Variants in GABRB1 observed in about 807,000 individuals in gnomAD.
GABRB1 encodes gamma-aminobutyric acid receptor subunit beta-1.
GABRB1 carries 17 observed loss-of-function variants against 51.6 expected under a neutral mutation model. That is an observed-to-expected ratio of 0.33 (90% confidence interval 0.23 to 0.49). The LOEUF is 0.49. Among genes scored for constraint, GABRB1 ranks in the 20% least tolerant of loss-of-function variants. The probability of loss-of-function intolerance (pLI) is 0.99; values close to 1 mark genes in which losing one functional copy is unlikely to be tolerated. For synonymous variants in GABRB1, 247 were observed against 218.9 expected (o/e 1.13, Z -1.14); for missense variants, 410 against 600.6 (o/e 0.68, Z 3.32).
At chr4:47,284,808 C>T (rs1333593037) in intron 4 of GABRB1, among the ~76,000 whole-genome samples, 1 of 152,160 alleles carries the variant, frequency 6.6e-6, no homozygotes, top group Non-Finnish European at 1.5e-5. Flanking sequence ...CAAAGGTATT[C>T]TCAAACCAGA....
intron 4 of GABRB1, among the ~76,000 whole-genome samples, chr4:47,215,357 A>G (rs1260771490): frequency 6.6e-6 from 1 of 152,114 alleles, no homozygotes; most frequent in Non-Finnish European, 1.5e-5. Context: ...GTTGCTTTGT[A>G]TAAGTTGATT....
At chr4:47,153,322 G>T (rs1021620477) in intron 3 of GABRB1, among the ~76,000 whole-genome samples, 8 of 152,026 alleles carry the variant, frequency 5.3e-5, no homozygotes, top group Admixed American at 1.3e-4. Flanking sequence ...CCTACTTCAG[G>T]CTCAACATTT....
At chr4:47,013,022 A>G (rs1461288012) in intron 1 of GABRB1, among the ~76,000 whole-genome samples, 1 of 152,098 alleles carries the variant, frequency 6.6e-6, no homozygotes, top group Non-Finnish European at 1.5e-5. Context: ...ACCACAATTT[A>G]TTCATTCTCC....
chr4:47,117,275 T>C (rs1449021136), intron 3 of GABRB1, among the ~76,000 whole-genome samples: 1 of 152,102 alleles, frequency 6.6e-6, no homozygotes, highest in Admixed American at 6.6e-5. Flanking sequence ...AGCTATGGAG[T>C]TCGCTCATAT....
At chr4:47,034,002 T>C (rs1439607605) in intron 3 of GABRB1, among the ~76,000 whole-genome samples, 2 of 152,216 alleles carry the variant, frequency 1.3e-5, no homozygotes, top group Non-Finnish European at 2.9e-5. Flanking sequence ...GTGCCTAATC[T>C]ACACGAATGC....
At chr4:47,029,805 A>T (rs1038326363), upstream of GABRB1, among the ~76,000 whole-genome samples, 1 of 152,000 alleles carries the variant, frequency 6.6e-6, no homozygotes, top group African/African-American at 2.4e-5. Context: ...ATCTTTTCCT[A>T]CTTCTCTTAA....
intron 5 of GABRB1, among the ~76,000 whole-genome samples, chr4:47,393,087 T>C (rs138670976): frequency 6.4e-4 from 97 of 152,334 alleles, no homozygotes; most frequent in African/African-American, 2.2e-3. Flanking sequence ...TCATAACTCA[T>C]GGATGGCTCT....
chr4:47,123,737 T>TCA (rs1553917497), intron 3 of GABRB1, among the ~76,000 whole-genome samples: 12 of 82,542 alleles, frequency 1.5e-4, no homozygotes, highest in East Asian at 3.6e-4. Flanking sequence ...ATATCATATA[T>TCA]TATTATATAT....
At chr4:47,145,035 G>T (rs1053973048) in intron 3 of GABRB1, among the ~76,000 whole-genome samples, 2 of 151,926 alleles carry the variant, frequency 1.3e-5, no homozygotes, top group East Asian at 3.9e-4. Context: ...CTTGGGACTT[G>T]TAGATAAGTA....
At chr4:47,392,047 T>C (rs1023302483) in intron 5 of GABRB1, among the ~76,000 whole-genome samples, 3 of 151,766 alleles carry the variant, frequency 2.0e-5, no homozygotes, top group Admixed American at 2.0e-4. Flanking sequence ...AAAAAGGGAA[T>C]TTAATATTTA....
chr4:47,125,171 A>T (rs1305426025), intron 3 of GABRB1, among the ~76,000 whole-genome samples: 1 of 152,190 alleles, frequency 6.6e-6, no homozygotes, highest in Non-Finnish European at 1.5e-5. Flanking sequence ...GAATGGAATG[A>T]TATATACAAA....
rs539454591 is a variant in GABRB1 at position 47,186,366 on chromosome 4, A to G, written c.461+24897A>G. On this transcript the variant is annotated intron_variant, in intron 4 of 8. Coordinates refer to ENST00000295454, the MANE Select transcript of GABRB1 (RefSeq NM_000812.4). ...ATCAGAACATGGACCTAAAATCACA[A>G]TAACATCCCTATTTGTAATTTTTAG... 7.2e-5 allele frequency among the ~76,000 whole-genome samples: 11 copies of G among 151,962 alleles called. No homozygotes were observed. In the South Asian group the frequency reaches 2.1e-3, roughly 29 times the overall value.
At chr4:47,420,525 T>G (rs911171863) in intron 8 of GABRB1, among the ~76,000 whole-genome samples, 1 of 152,230 alleles carries the variant, frequency 6.6e-6, no homozygotes, top group African/African-American at 2.4e-5. Flanking sequence ...TCCTTCTGCC[T>G]CAAGGTTTAA....
At chr4:47,219,960 C>G (rs924405039) in intron 4 of GABRB1, among the ~76,000 whole-genome samples, 1 of 152,000 alleles carries the variant, frequency 6.6e-6, no homozygotes, top group Middle Eastern at 3.4e-3. Context: ...GTATTGAACT[C>G]ATCAGAAGTT....
At chr4:47,103,066 T>A (rs1439440614) in intron 3 of GABRB1, among the ~76,000 whole-genome samples, 2 of 152,010 alleles carry the variant, frequency 1.3e-5, no homozygotes, top group African/African-American at 4.8e-5. Context: ...GATGAGCATA[T>A]TTGACTGAGA....
chr4:47,037,699 GT>G (rs1369719674), intron 3 of GABRB1, among the ~76,000 whole-genome samples: 1 of 152,044 alleles, frequency 6.6e-6, no homozygotes, highest in Non-Finnish European at 1.5e-5. Flanking sequence ...AAAATAAATA[GT>G]AACTTACTGA....
At chr4:47,322,667 G>A (rs1383812023) in intron 5 of GABRB1, among the ~76,000 whole-genome samples, 1 of 152,074 alleles carries the variant, frequency 6.6e-6, no homozygotes, top group Non-Finnish European at 1.5e-5. Context: ...AAGGGACCAT[G>A]GCATCAATAA....
At chr4:47,418,546 TCTAAA>T (rs1202489649) in intron 8 of GABRB1, among the ~76,000 whole-genome samples, 2 of 152,168 alleles carry the variant, frequency 1.3e-5, no homozygotes, top group Admixed American at 6.5e-5. Context: ...CTCAGCAACA[TCTAAA>T]CTAGTGTTTG....
At chr4:47,412,928 A>G (rs1324709695) in intron 8 of GABRB1, among the ~76,000 whole-genome samples, 5 of 152,194 alleles carry the variant, frequency 3.3e-5, no homozygotes, top group Non-Finnish European at 5.9e-5. Context: ...ACCCCACTCT[A>G]ATTTTTTATT....
Sources: gnomAD v4.1 joint callset for allele counts (sites outside exome capture counted in the v4.1 genomes callset) on GRCh38, gnomAD v4.1.1 for gene constraint, MANE v1.5 for transcripts, NCBI Gene and HGNC (gene_info 2026-07-23, HGNC 2026-07-21) for gene names.